LGR6: variants seen among roughly 807,000 people sequenced by gnomAD.
LGR6 encodes leucine-rich repeat-containing G protein-coupled receptor 6.
LGR6 carries 45 observed loss-of-function variants against 69.4 expected under a neutral mutation model. The ratio of observed to expected loss-of-function variants is 0.65; its 90% CI spans 0.51 to 0.83. The LOEUF (loss-of-function observed/expected upper bound fraction) is 0.83. Ranked by LOEUF, LGR6 falls within the 40% of genes least tolerant of loss-of-function variation. The pLI, the probability that LGR6 is intolerant of heterozygous loss-of-function variation, is 0.00. For synonymous variants in LGR6, 538 were observed against 555.0 expected (o/e 0.97, Z 0.43); for missense variants, 1,108 against 1,246.7 (o/e 0.89, Z 1.68).
chr1:202,231,538 G>C (rs1042775883), intron 3 of LGR6, among the ~76,000 whole-genome samples: 34 of 152,226 alleles, frequency 2.2e-4, no homozygotes, highest in Admixed American at 2.2e-3. Context: ...AGCCTCACCA[G>C]ACCCCAGAAC....
intron 1 of LGR6, among the ~76,000 whole-genome samples, chr1:202,215,400 G>C (rs1475226830): frequency 6.6e-6 from 1 of 152,108 alleles, no homozygotes; most frequent in African/African-American, 2.4e-5. Flanking sequence ...CCCATGGAGA[G>C]GTCTGATCTA....
chr1:202,296,091 G>C (rs1667140919), intron 6 of LGR6, among the ~76,000 whole-genome samples: 1 of 152,116 alleles, frequency 6.6e-6, no homozygotes, highest in Admixed American at 6.5e-5. Flanking sequence ...AAGTCACTCT[G>C]TAATTGAAGG....
intron 4 of LGR6, among the ~76,000 whole-genome samples, chr1:202,248,010 C>A (rs746739262): frequency 5.3e-5 from 8 of 152,120 alleles, no homozygotes; most frequent in Non-Finnish European, 1.0e-4. Context: ...TTTTCGAGAG[C>A]GTGTGAGTAA....
intron 6 of LGR6, among the ~76,000 whole-genome samples, chr1:202,287,867 C>G (rs977601126): frequency 6.6e-6 from 1 of 152,222 alleles, no homozygotes; most frequent in Non-Finnish European, 1.5e-5. Flanking sequence ...GGCCTTCTAT[C>G]TGGTCACTCT....
At chr1:202,238,713 G>A (rs1391113320) in intron 4 of LGR6, among the ~76,000 whole-genome samples, 1 of 149,880 alleles carries the variant, frequency 6.7e-6, no homozygotes, top group Middle Eastern at 3.4e-3. Flanking sequence ...GTGAGCCATG[G>A]GGCCCAGCTC....
intron 4 of LGR6, among the ~76,000 whole-genome samples, chr1:202,253,268 G>C (rs1309350352): frequency 6.6e-6 from 1 of 151,994 alleles, no homozygotes; most frequent in Admixed American, 6.6e-5. Context: ...ACAATGCCAG[G>C]TACATCCTGA....
intron 3 of LGR6, among the ~76,000 whole-genome samples, chr1:202,231,145 G>A (rs565730968): frequency 1.2e-4 from 18 of 152,278 alleles, no homozygotes; most frequent in Non-Finnish European, 2.2e-4. Context: ...TAGCATCTCC[G>A]GGACCCATCC....
At chr1:202,200,089 G>A (rs749411839) in intron 1 of LGR6, among the ~76,000 whole-genome samples, 4 of 152,166 alleles carry the variant, frequency 2.6e-5, no homozygotes, top group South Asian at 4.1e-4. Flanking sequence ...AACAAAGCCC[G>A]TCCCACTGAC....
At chr1:202,267,689 G>C (rs1443182469) in intron 4 of LGR6, among the ~76,000 whole-genome samples, 1 of 152,102 alleles carries the variant, frequency 6.6e-6, no homozygotes, top group African/African-American at 2.4e-5. Flanking sequence ...AGCACACCTG[G>C]CAATTAGCTC....
intron 1 of LGR6, chr1:202,203,690 C>T (rs770142148): frequency 6.7e-6 from 6 of 901,290 alleles, no homozygotes; most frequent in Non-Finnish European, 1.1e-5. Context: ...GAGAAATACA[C>T]CCAGGCAGGG....
At chr1:202,252,520 T>G (rs1453361403) in intron 4 of LGR6, among the ~76,000 whole-genome samples, 1 of 152,184 alleles carries the variant, frequency 6.6e-6, no homozygotes, top group East Asian at 1.9e-4. Context: ...CCATGGGTGA[T>G]TAGTGGCAGG....
chr1:202,276,328 T>A lies in LGR6; in HGVS notation c.451T>A (p.Ser151Thr), dbSNP rs375518249. Residue 151 changes from serine (S) to threonine (T), a missense_variant, in exon 5 of 18, where the codon TCC (serine) becomes ACC (threonine). Coordinates refer to ENST00000367278, the MANE Select transcript of LGR6 (RefSeq NM_001017403.2). ...CAGGCGCCTAGATGCCAACCTCATC[T>A]CCCTGGTCCCGGAGAGGAGCTTTGA... ...QSLRLDANLI[S>T]LVPERSFEGL... 2.7e-5 allele frequency: 44 copies of A among 1,613,824 alleles called. No individual in the cohort carries two copies. Among genetic ancestry groups the A allele is most frequent in the Non-Finnish European group, 3.6e-5 (43 of 1,179,916 alleles).
intron 4 of LGR6, among the ~76,000 whole-genome samples, chr1:202,266,279 A>T: frequency 6.6e-6 from 1 of 152,110 alleles, no homozygotes; most frequent in East Asian, 1.9e-4. Flanking sequence ...GGACACAGGG[A>T]CATAGCACAG....
At chr1:202,286,732 TA>T (rs1277542421) in intron 6 of LGR6, among the ~76,000 whole-genome samples, 1 of 152,192 alleles carries the variant, frequency 6.6e-6, no homozygotes, top group Non-Finnish European at 1.5e-5. Context: ...TTGCTCCATA[TA>T]AAAATTTTTT....
chr1:202,198,511 T>TGGA (rs1442389745), intron 1 of LGR6, among the ~76,000 whole-genome samples: 2 of 152,094 alleles, frequency 1.3e-5, no homozygotes, highest in African/African-American at 4.8e-5. Flanking sequence ...GAAGTCTTCC[T>TGGA]GGAGGAGGAA....
intron 1 of LGR6, among the ~76,000 whole-genome samples, chr1:202,211,042 G>A (rs1477507110): frequency 6.6e-6 from 1 of 152,248 alleles, no homozygotes; most frequent in Middle Eastern, 3.2e-3. Flanking sequence ...GGCAGCAGTG[G>A]GAAGGAATGT....
At chr1:202,201,849 G>A (rs1658849433) in intron 1 of LGR6, among the ~76,000 whole-genome samples, 1 of 152,220 alleles carries the variant, frequency 6.6e-6, no homozygotes, top group Non-Finnish European at 1.5e-5. Flanking sequence ...TCTGGGGAGG[G>A]TAAGACGGAA....
chr1:202,237,510 T>A (rs1661678966), intron 4 of LGR6, among the ~76,000 whole-genome samples: 1 of 152,252 alleles, frequency 6.6e-6, no homozygotes, highest in Admixed American at 6.5e-5. Context: ...AGGTTGTTAA[T>A]TAAGTTTACT....
intron 3 of LGR6, among the ~76,000 whole-genome samples, chr1:202,228,280 T>C (rs1027088419): frequency 6.6e-6 from 1 of 152,232 alleles, no homozygotes. Flanking sequence ...ATAATGACCA[T>C]CGACATAGGT....
Sources: gnomAD v4.1 joint callset for allele counts (sites outside exome capture counted in the v4.1 genomes callset) on GRCh38, gnomAD v4.1.1 for gene constraint, MANE v1.5 for transcripts, NCBI Gene and HGNC (gene_info 2026-07-23, HGNC 2026-07-21) for gene names.